Variants in ADAM11 observed in about 807,000 individuals in gnomAD.
ADAM11 encodes ADAM metallopeptidase domain 11, also known as disintegrin and metalloproteinase domain-containing protein 11.
A neutral mutation model predicts 119.1 loss-of-function variants in ADAM11; 49 were observed. The observed-to-expected ratio is 0.41, with a 90% confidence interval of 0.33 to 0.52. ADAM11 has a LOEUF of 0.52. ADAM11 is among the 20% of genes least tolerant of loss of function. The pLI is 0.20. For synonymous variants in ADAM11, 364 were observed against 408.0 expected (o/e 0.89, Z 1.30); for missense variants, 777 against 1,047.5 (o/e 0.74, Z 3.56).
chr17:44,767,063 A>T (rs1024350261), intron 2 of ADAM11, among the ~76,000 whole-genome samples: 9 of 152,080 alleles, frequency 5.9e-5, no homozygotes, highest in Non-Finnish European at 8.8e-5. Context: ...AATTAATTTT[A>T]AAAAAAGAAC....
In ADAM11 at chr17:44,772,451, G is replaced by A. The variant is rs1254353387; in HGVS notation, c.663G>A (p.Leu221=). 6.4e-7 allele frequency: 1 copy of A among 1,574,118 alleles called. No individual in the cohort carries two copies. Among genetic ancestry groups the A allele is most frequent in the Non-Finnish European group, 8.6e-7 (1 of 1,159,444 alleles). The change falls in exon 8 of 27, where the codon CTG becomes CTA. Residue 221 remains leucine (L), a synonymous_variant. Transcript: ENST00000200557. The surrounding 1 kb of genome is among the most constrained non-coding windows in gnomAD (Gnocchi z 4.5). ...AQSAPPNRPR[L]RRKRQVRRGH... ...CGGCTCCTCCAAACCGGCCGAGGCTGAGAAGGAAAAGGCAGGTACGGGGGC... is the reference window on the plus strand; with the variant it reads ...CGGCTCCTCCAAACCGGCCGAGGCTAAGAAGGAAAAGGCAGGTACGGGGGC...
intron 25 of ADAM11, among the ~76,000 whole-genome samples, chr17:44,778,775 C>T (rs1042810721): frequency 6.7e-6 from 1 of 149,894 alleles, no homozygotes; most frequent in Non-Finnish European, 1.5e-5. Context: ...ACTAGCAATT[C>T]GGATTTCCAG....
In ADAM11 at chr17:44,779,465, G is replaced by A. The variant is rs569226464; in HGVS notation, c.2294+226G>A. ...CGCCCGCTCAGGCCACGTCCTTCTC[G>A]ACTGCCCTGCTGCGGCCAGGCCCTC... On this transcript the variant is annotated intron_variant, in intron 26 of 26. Transcript: ENST00000200557. 3 of 985,366 alleles carry A rather than the reference G, an allele frequency of 3.0e-6. No individual in the cohort carries two copies. In the Admixed American group the frequency reaches 1.8e-4, roughly 61 times the overall value. The allele number at this position is 985,366 out of a possible 1,614,324, so 61.0% of individuals were successfully genotyped here.
Position 44,773,478 on chromosome 17 carries a change from G to A in ADAM11, c.992+51G>A. 1 of 1,587,950 alleles carries A rather than the reference G, an allele frequency of 6.3e-7. No individual in the cohort carries two copies. The highest frequency in any genetic ancestry group is 8.6e-7 in the Non-Finnish European group (1 of 1,166,040). On this transcript the variant is annotated intron_variant, in intron 11 of 26. Coordinates refer to ENST00000200557, the MANE Select transcript of ADAM11 (RefSeq NM_002390.6). The surrounding 1 kb of genome is among the most constrained non-coding windows in gnomAD (Gnocchi z 4.6). ...GCCAGCCTCTGCTAGTTGCTACAGT[G>A]CTTGGGATTACTTAACACCTGCCCT...
rs1176132966 is a variant in ADAM11, at chr17:44,774,494, C to T, written c.1080C>T (p.Tyr360=). 1.2e-6 allele frequency: 2 copies of T among 1,612,602 alleles called. No homozygotes were observed. The highest frequency in any genetic ancestry group is 1.7e-6 in the Non-Finnish European group (2 of 1,179,576). The part of the protein sequence containing the change: ...SLSHGGGVNE[Y]GNMGAMAVTL... ...TGCCCCATCTTCCCCACCCCCAGTA[C>T]GGCAACATGGGGGCGATGGCCGTGA... Residue 360 remains tyrosine (Y), a splice_region_variant and synonymous_variant, in exon 13 of 27, where the codon TAC becomes TAT. Coordinates refer to ENST00000200557, the MANE Select transcript of ADAM11 (RefSeq NM_002390.6).
rs759629912 is a variant in ADAM11 at position 44,776,914 on chromosome 17, G to A, written c.1633G>A (p.Gly545Ser). Reference sequence around the variant, plus strand: ...GGACTCTCAGGGCCGCTGCTACGGAGGTCGCTGCAAAACCCGGGACCGGCA... The same window carrying A: ...GGACTCTCAGGGCCGCTGCTACGGAAGTCGCTGCAAAACCCGGGACCGGCA... ...CDHEQGRCYGGRCKTRDRQCQ... is the reference protein window; with the variant it reads ...CDHEQGRCYGSRCKTRDRQCQ... Residue 545 changes from glycine (G) to serine (S), a missense_variant, in exon 20 of 27, where the codon GGT becomes AGT. Physicochemically the swap from Gly to Ser is moderately conservative, Grantham distance 56. Transcript: ENST00000200557. This position sits in a 1 kb window ranked among gnomAD's most constrained non-coding sequence, Gnocchi z 5.2. 6.2e-7 allele frequency: 1 copy of A among 1,613,522 alleles called. No individual in the cohort carries two copies. The highest frequency in any genetic ancestry group is 1.1e-5 in the South Asian group (1 of 91,064).
chr17:44,775,712 C>G lies in ADAM11; in HGVS notation c.1485+36C>G. On this transcript the variant is annotated intron_variant, in intron 17 of 26. Coordinates refer to ENST00000200557, the MANE Select transcript of ADAM11 (RefSeq NM_002390.6). The surrounding 1 kb of genome is among the most constrained non-coding windows in gnomAD (Gnocchi z 7.5). ...CCGGCCGGGAGGCGGGGCCAGGACG[C>G]AGGAGGAGCGATTGGAGGCCTTCAT... The G allele has an allele frequency of 6.5e-7, 1 of 1,544,064 alleles. No individual in the cohort carries two copies. The highest frequency in any genetic ancestry group is 8.7e-7 in the Non-Finnish European group (1 of 1,148,094).
chr17:44,766,407 T>C (rs1026219460), intron 2 of ADAM11, among the ~76,000 whole-genome samples: 1 of 152,200 alleles, frequency 6.6e-6, no homozygotes, highest in African/African-American at 2.4e-5. Flanking sequence ...TGGCAGAATC[T>C]TTGCCTTTTT....
chr17:44,777,827 C>G lies in ADAM11; in HGVS notation c.2034C>G (p.Pro678=). The G allele has an allele frequency of 6.2e-7, 1 of 1,613,740 alleles. No homozygotes were observed. The part of the protein sequence containing the change: ...PASAFNFSTC[P]GSGERRICSH... ...CTGCCTTCAACTTCAGCACCTGCCC[C>G]GGCAGTGGGGAGCGCCGGATTTGCT... The change falls in exon 23 of 27, where the codon CCC becomes CCG. Residue 678 remains proline (P), a synonymous_variant. Coordinates refer to ENST00000200557, the MANE Select transcript of ADAM11 (RefSeq NM_002390.6). The surrounding 1 kb of genome is among the most constrained non-coding windows in gnomAD (Gnocchi z 5.1).
Position 44,768,085 on chromosome 17 carries a change from A to G in ADAM11, c.238-1633A>G, listed in dbSNP as rs137989701. On this transcript the variant is annotated intron_variant, in intron 2 of 26. Transcript: ENST00000200557. Reference sequence around the variant, plus strand: ...TGGGGCTGCACGGTCAGAGAGCAGCATTGGGGCAAGGGGTCTGGCAGGCTG... The same window carrying G: ...TGGGGCTGCACGGTCAGAGAGCAGCGTTGGGGCAAGGGGTCTGGCAGGCTG... Among the ~76,000 whole-genome samples, 1,474 of 152,308 alleles carry G rather than the reference A, an allele frequency of 9.7e-3. 18 individuals are homozygous for G. The highest frequency in any genetic ancestry group is 0.016 in the Non-Finnish European group (1,120 of 68,030).
At position 44,777,787 on chromosome 17, in the gene ADAM11, G is replaced by T. The variant is rs377039113; in HGVS notation, c.1994G>T (p.Arg665Leu). 6 of 1,613,850 alleles carry T rather than the reference G, an allele frequency of 3.7e-6. No homozygotes were observed. The South Asian group carries it at 6.6e-5, about 18-fold the overall frequency. The change falls in exon 23 of 27, where the codon CGC becomes CTC. Residue 665 changes from arginine (R) to leucine (L), a missense_variant. By Grantham distance (102) the Arg-to-Leu change is moderately radical. Around this residue, in one of 4 missense-constraint regions of ADAM11, gnomAD observed 348 missense variants for 486.7 expected, o/e 0.72. Coordinates refer to ENST00000200557, the MANE Select transcript of ADAM11 (RefSeq NM_002390.6). This position sits in a 1 kb window ranked among gnomAD's most constrained non-coding sequence, Gnocchi z 5.1. ...CCTAACATGTTGTGCCTGGACCATC[G>T]CTGCCTGCCAGCTTCTGCCTTCAAC... ...CGPNMLCLDHRCLPASAFNFS... is the reference protein window; with the variant it reads ...CGPNMLCLDHLCLPASAFNFS...
chr17:44,779,071 T>C lies in ADAM11; in HGVS notation c.2277-151T>C. Reference sequence around the variant, plus strand: ...TTTTTGTGGGTGCCCTGGGTAATTCTCCCTGGCCCTTACATTAGTGTCCAG... The same window carrying C: ...TTTTTGTGGGTGCCCTGGGTAATTCCCCCTGGCCCTTACATTAGTGTCCAG... On this transcript the variant is annotated intron_variant, in intron 25 of 26. Coordinates refer to ENST00000200557, the MANE Select transcript of ADAM11 (RefSeq NM_002390.6). The C allele has an allele frequency of 3.1e-6, 3 of 963,450 alleles. No homozygotes were observed. The South Asian group carries it at 4.8e-5, about 16-fold the overall frequency. 59.7% of individuals were successfully genotyped at this position (963,450 alleles called of 1,614,324 possible).
rs1313039007 is a variant in ADAM11 at position 44,777,426 on chromosome 17, C to CAGT, written c.1782-52_1782-50dup. 1 of 1,586,772 alleles carries CAGT rather than the reference C, an allele frequency of 6.3e-7. No individual in the cohort carries two copies. Among genetic ancestry groups the CAGT allele is most frequent in the Non-Finnish European group, 8.6e-7 (1 of 1,156,670 alleles). Reference sequence around the variant, plus strand: ...TGCAGGGTGAGGGCAGATTAGAGTTCAGTAGTTGAGTCTGAGGTCAAACTT... The same window carrying CAGT: ...TGCAGGGTGAGGGCAGATTAGAGTTCAGTAGTAGTTGAGTCTGAGGTCAAACTT... On this transcript the variant is annotated intron_variant, in intron 21 of 26. Coordinates refer to ENST00000200557, the MANE Select transcript of ADAM11 (RefSeq NM_002390.6). The surrounding 1 kb of genome is among the most constrained non-coding windows in gnomAD (Gnocchi z 5.1).
At chr17:44,765,210 G>A (rs1247699708) in intron 2 of ADAM11, among the ~76,000 whole-genome samples, 4 of 148,998 alleles carry the variant, frequency 2.7e-5, no homozygotes, top group Non-Finnish European at 4.5e-5. Flanking sequence ...GGTGGGGGGA[G>A]CTGGCAGGTG....
chr17:44,768,155 G>A (rs1435710695), intron 2 of ADAM11, among the ~76,000 whole-genome samples: 2 of 152,184 alleles, frequency 1.3e-5, no homozygotes, highest in Admixed American at 1.3e-4. Context: ...GGGCTTGTTG[G>A]TGGGAGGCAG....
At chr17:44,778,784 A>G in intron 25 of ADAM11, among the ~76,000 whole-genome samples, 1 of 151,706 alleles carries the variant, frequency 6.6e-6, no homozygotes, top group East Asian at 1.9e-4. Flanking sequence ...TCGGATTTCC[A>G]GCTCTGGAAA....
Position 44,775,626 on chromosome 17 carries a change from C to T in ADAM11, c.1435C>T (p.Leu479=), listed in dbSNP as rs745716818. 9 of 1,592,652 alleles carry T rather than the reference C, an allele frequency of 5.7e-6. No homozygotes were observed. Among genetic ancestry groups the T allele is most frequent in the Non-Finnish European group, 6.8e-6 (8 of 1,170,716 alleles). ...TGGCAACTGCTGCAAGAAATGCACC[C>T]TGACTCACGACGCCATGTGCAGCGA... ...AGGNCCKKCT[L]THDAMCSDGL... Residue 479 remains leucine, a synonymous_variant, in exon 17 of 27, where the codon CTG becomes TTG. Transcript: ENST00000200557. This position sits in a 1 kb window ranked among gnomAD's most constrained non-coding sequence, Gnocchi z 7.5.
intron 2 of ADAM11, 38 bp from the exon 3 acceptor site, chr17:44,769,680 C>A (rs755906009): frequency 6.6e-7 from 1 of 1,510,608 alleles, no homozygotes. Flanking sequence ...CTTCAGGCCT[C>A]CCTGGGTTGA....
intron 2 of ADAM11, among the ~76,000 whole-genome samples, chr17:44,766,438 G>C (rs1344911755): frequency 2.6e-5 from 4 of 152,194 alleles, no homozygotes; most frequent in Non-Finnish European, 5.9e-5. Flanking sequence ...CCCGCATCTG[G>C]TACAGAGAGG....
Sources: gnomAD v4.1 joint callset for allele counts (sites outside exome capture counted in the v4.1 genomes callset) on GRCh38, gnomAD v4.1.1 for gene constraint, gnomAD v4.1.1 regional missense constraint, Gnocchi (gnomAD v3.1) non-coding constraint, MANE v1.5 for transcripts, NCBI Gene and HGNC (gene_info 2026-07-23, HGNC 2026-07-21) for gene names.